The following UNC13C variants were observed in gnomAD, a reference collection of about 807,000 sequenced individuals.
UNC13C encodes unc-13 homolog C.
In UNC13C, 174 loss-of-function variants were observed where a neutral mutation model predicts 245.4. The ratio of observed to expected loss-of-function variants is 0.71; its 90% CI spans 0.63 to 0.80. The LOEUF (loss-of-function observed/expected upper bound fraction) is 0.80. Ranked by LOEUF, UNC13C falls within the 30% of genes least tolerant of loss-of-function variation. The probability of loss-of-function intolerance (pLI) is 0.00; values close to 1 mark genes in which losing one functional copy is unlikely to be tolerated. For synonymous variants in UNC13C, 992 were observed against 895.1 expected (o/e 1.11, Z -1.93); for missense variants, 2,829 against 2,602.9 (o/e 1.09, Z -1.89).
At chr15:54,427,432 G>A (rs764807455) in intron 19 of UNC13C, among the ~76,000 whole-genome samples, 2 of 151,678 alleles carry the variant, frequency 1.3e-5, no homozygotes, top group African/African-American at 4.8e-5. Flanking sequence ...GAAACTATAA[G>A]TCCAATTAAG....
At chr15:54,100,105 CAAAAAAAA>C (rs56058415) in intron 2 of UNC13C, among the ~76,000 whole-genome samples, 4 of 111,876 alleles carry the variant, frequency 3.6e-5, no homozygotes, top group African/African-American at 3.6e-5. Flanking sequence ...TACTCTGTCT[CAAAAAAAA>C]AAAAAAAAAA....
intron 4 of UNC13C, among the ~76,000 whole-genome samples, chr15:54,227,111 T>C (rs2035408510): frequency 6.6e-6 from 1 of 152,078 alleles, no homozygotes; most frequent in Non-Finnish European, 1.5e-5. Flanking sequence ...AAGAGCTTCG[T>C]GGAATGGCAG....
chr15:54,237,630 C>T lies in UNC13C; in HGVS notation c.3168C>T (p.Ala1056=), dbSNP rs2140834947. The stretch of plus-strand genomic sequence containing the variant: ...TCTGTTTGTTTTAGACCCTGGCTGC[C>T]CGGAAATCTGGACTCTCCCTGGCTA... ...IVRDVAMTLA[A]RKSGLSLAMV... Residue 1056 remains alanine, a synonymous_variant, in exon 7 of 33, where the codon GCC becomes GCT. Transcript: ENST00000260323. The T allele has an allele frequency of 6.2e-7, 1 of 1,612,090 alleles. No individual in the cohort carries two copies. The highest frequency in any genetic ancestry group is 1.7e-5 in the Admixed American group (1 of 59,820).
At chr15:54,190,355 A>C (rs2034141996) in intron 4 of UNC13C, among the ~76,000 whole-genome samples, 1 of 152,150 alleles carries the variant, frequency 6.6e-6, no homozygotes, top group Admixed American at 6.6e-5. Context: ...CATAGCAATA[A>C]GCAAATCTCC....
chr15:53,968,746 G>T, the UNC13C span, among the ~76,000 whole-genome samples: 6 of 152,152 alleles, frequency 3.9e-5, no homozygotes, highest in African/African-American at 1.4e-4. Flanking sequence ...TTTATAGCAA[G>T]AATCAAAAGC....
At chr15:54,441,345 A>G (rs1039485235) in intron 19 of UNC13C, among the ~76,000 whole-genome samples, 8 of 152,062 alleles carry the variant, frequency 5.3e-5, no homozygotes, top group African/African-American at 1.9e-4. Context: ...TGATTTTTGT[A>G]TATGATGAGT....
intron 28 of UNC13C, among the ~76,000 whole-genome samples, chr15:54,553,776 C>A (rs1402970668): frequency 1.3e-5 from 2 of 151,578 alleles, no homozygotes; most frequent in African/African-American, 4.8e-5. Flanking sequence ...CTAGCACCAG[C>A]GTATATCACT....
chr15:54,432,599 A>G (rs1415418483), intron 19 of UNC13C, among the ~76,000 whole-genome samples: 1 of 152,022 alleles, frequency 6.6e-6, no homozygotes, highest in Admixed American at 6.6e-5. Flanking sequence ...CAGCTAAAAC[A>G]GTGTTAAGAG....
At chr15:54,150,073 A>G (rs2032448545) in intron 4 of UNC13C, among the ~76,000 whole-genome samples, 1 of 152,190 alleles carries the variant, frequency 6.6e-6, no homozygotes, top group African/African-American at 2.4e-5. Flanking sequence ...GGCTTTGAAT[A>G]TATTTCTTGA....
chr15:54,521,959 T>C (rs1387693008), intron 24 of UNC13C, among the ~76,000 whole-genome samples: 3 of 152,122 alleles, frequency 2.0e-5, no homozygotes, highest in Admixed American at 6.6e-5. Context: ...ACAAGTTCTA[T>C]GGAAGAGGTA....
At position 54,555,463 on chromosome 15, in the gene UNC13C, T is replaced by C; in HGVS notation, c.5909T>C (p.Leu1970Pro). 6.2e-7 allele frequency: 1 copy of C among 1,612,452 alleles called. No homozygotes were observed. The highest frequency in any genetic ancestry group is 1.1e-5 in the South Asian group (1 of 90,948). Reference sequence around the variant, plus strand: ...ATGATTCGAGAGGATGCCAGGGGTCTGACGCCAAGACAATGCGCTATAATG... The same window carrying C: ...ATGATTCGAGAGGATGCCAGGGGTCCGACGCCAAGACAATGCGCTATAATG... ...EHMIREDARG[L>P]TPRQCAIMEV... The change falls in exon 29 of 33, where the codon CTG (leucine) becomes CCG (proline). Residue 1970 changes from leucine to proline, a missense_variant. Leu to Pro is a moderately conservative substitution (Grantham distance 98). Coordinates refer to ENST00000260323, the MANE Select transcript of UNC13C (RefSeq NM_001080534.3).
intron 2 of UNC13C, among the ~76,000 whole-genome samples, chr15:54,040,798 G>A (rs900019142): frequency 4.6e-5 from 7 of 152,204 alleles, no homozygotes; most frequent in Admixed American, 4.6e-4. Context: ...CTGAGCCTTT[G>A]CTGTAGCTGT....
intron 3 of UNC13C, 120 bp from the exon 4 acceptor site, chr15:54,143,500 A>C: frequency 1.5e-6 from 1 of 688,506 alleles, no homozygotes; most frequent in Non-Finnish European, 2.5e-6. Flanking sequence ...CCTGCTTAGC[A>C]TCTGTCATAC....
At chr15:54,042,717 G>T (rs1290362713) in intron 2 of UNC13C, among the ~76,000 whole-genome samples, 1 of 152,144 alleles carries the variant, frequency 6.6e-6, no homozygotes, top group African/African-American at 2.4e-5. Context: ...GCCGGGCATG[G>T]TGGTGGGTGC....
chr15:54,144,922 G>C (rs779862325), intron 4 of UNC13C, among the ~76,000 whole-genome samples: 6 of 151,644 alleles, frequency 4.0e-5, no homozygotes, highest in Non-Finnish European at 5.9e-5. Flanking sequence ...AATATAGAGA[G>C]ATATCTATAT....
intron 10 of UNC13C, among the ~76,000 whole-genome samples, chr15:54,288,436 C>T (rs1286800597): frequency 1.3e-5 from 2 of 151,750 alleles, no homozygotes; most frequent in East Asian, 3.9e-4. Context: ...AAATGAGGAC[C>T]ATCCCAGGAA....
At chr15:54,138,703 T>A (rs974614368) in intron 2 of UNC13C, among the ~76,000 whole-genome samples, 1 of 151,970 alleles carries the variant, frequency 6.6e-6, no homozygotes, top group Non-Finnish European at 1.5e-5. Flanking sequence ...ATTTAAATTG[T>A]ATGTTTGCTG....
intron 19 of UNC13C, among the ~76,000 whole-genome samples, chr15:54,473,470 T>C (rs1331390814): frequency 6.6e-6 from 1 of 151,870 alleles, no homozygotes; most frequent in Non-Finnish European, 1.5e-5. Flanking sequence ...CTTTGTAACT[T>C]TATGTTTGCA....
At chr15:54,511,533 CTGAG>C (rs1894739404) in intron 23 of UNC13C, among the ~76,000 whole-genome samples, 1 of 152,042 alleles carries the variant, frequency 6.6e-6, no homozygotes, top group Non-Finnish European at 1.5e-5. Flanking sequence ...GGTTTATTGT[CTGAG>C]TATGTTTTTA....
Sources: gnomAD v4.1 joint callset for allele counts (sites outside exome capture counted in the v4.1 genomes callset) on GRCh38, gnomAD v4.1.1 for gene constraint, MANE v1.5 for transcripts, NCBI Gene and HGNC (gene_info 2026-07-23, HGNC 2026-07-21) for gene names.